The following ATG7 variants were observed in gnomAD, a reference collection of about 807,000 sequenced individuals.
ATG7 encodes the protein ubiquitin-like modifier-activating enzyme ATG7.
In ATG7, 70 loss-of-function variants were observed where a neutral mutation model predicts 82.4. The ratio of observed to expected loss-of-function variants is 0.85; its 90% CI spans 0.70 to 1.04. ATG7 has a LOEUF of 1.04. ATG7 is among the 50% of genes least tolerant of loss of function. The probability of loss-of-function intolerance (pLI) is 0.00; values close to 1 mark genes in which losing one functional copy is unlikely to be tolerated. For synonymous variants in ATG7, 287 were observed against 313.0 expected (o/e 0.92, Z 0.88); for missense variants, 792 against 864.3 (o/e 0.92, Z 1.05).
At chr3:11,571,422 G>A in the ATG7 span, among the ~76,000 whole-genome samples, 5 of 152,152 alleles carry the variant, frequency 3.3e-5, no homozygotes, top group South Asian at 6.2e-4. Context: ...AGTGACTCAC[G>A]CCTGTAATCC....
At chr3:11,410,820 C>T (rs1035753008) in intron 19 of ATG7, among the ~76,000 whole-genome samples, 2 of 152,210 alleles carry the variant, frequency 1.3e-5, no homozygotes, top group African/African-American at 4.8e-5. Context: ...TGGATGGACA[C>T]TTGGATTGCA....
intron 18 of ATG7, 79 bp downstream of exon 18, chr3:11,364,813 C>A: frequency 6.8e-7 from 1 of 1,473,186 alleles, no homozygotes; most frequent in Non-Finnish European, 9.4e-7. Flanking sequence ...ATTCCATCTG[C>A]CCAGCCCACT....
chr3:11,403,237 G>C (rs1334617649), intron 19 of ATG7, among the ~76,000 whole-genome samples: 1 of 152,152 alleles, frequency 6.6e-6, no homozygotes, highest in East Asian at 1.9e-4. Flanking sequence ...TCAATCTGAG[G>C]AAGTCTTGAC....
At chr3:11,526,544 G>A (rs1210128047) in intron 20 of ATG7, among the ~76,000 whole-genome samples, 2 of 152,136 alleles carry the variant, frequency 1.3e-5, no homozygotes, top group East Asian at 3.8e-4. Flanking sequence ...TTGTCAAAGT[G>A]GTTATTATTG....
intron 20 of ATG7, among the ~76,000 whole-genome samples, chr3:11,537,069 C>G (rs573287563): frequency 6.6e-6 from 1 of 152,302 alleles, no homozygotes; most frequent in Non-Finnish European, 1.5e-5. Context: ...CTCCATCCCT[C>G]TGCACAGGGC....
intron 11 of ATG7, among the ~76,000 whole-genome samples, chr3:11,337,270 T>C (rs1201702968): frequency 6.6e-6 from 1 of 152,122 alleles, no homozygotes; most frequent in African/African-American, 2.4e-5. Flanking sequence ...CTGGCCAACA[T>C]GGTGAAACCC....
chr3:11,568,966 G>C, the ATG7 span: 1 of 1,179,162 alleles, frequency 8.5e-7, no homozygotes, highest in Non-Finnish European at 1.1e-6. This position sits in a 1 kb window ranked among gnomAD's most constrained non-coding sequence, Gnocchi z 5.9. Context: ...GGAAAGAGGA[G>C]GGAGGGAAAG....
At chr3:11,522,753 A>G (rs2092474530) in intron 20 of ATG7, among the ~76,000 whole-genome samples, 1 of 152,196 alleles carries the variant, frequency 6.6e-6, no homozygotes, top group Admixed American at 6.5e-5. Context: ...AACCTTCAAA[A>G]TCGCCTGTCA....
chr3:11,432,221 G>A (rs1260338092), intron 20 of ATG7, among the ~76,000 whole-genome samples: 1 of 152,122 alleles, frequency 6.6e-6, no homozygotes, highest in Non-Finnish European at 1.5e-5. Context: ...TGGAGATGGA[G>A]CTTGGAGAAA....
intron 13 of ATG7, among the ~76,000 whole-genome samples, 172 bp downstream of exon 13, chr3:11,342,451 A>G (rs1216425883): frequency 6.6e-6 from 1 of 151,920 alleles, no homozygotes; most frequent in Non-Finnish European, 1.5e-5. Context: ...ACCTTTTATC[A>G]TCAGATAGAA....
At chr3:11,375,268 GA>G (rs2077329392) in intron 18 of ATG7, among the ~76,000 whole-genome samples, 23 of 152,134 alleles carry the variant, frequency 1.5e-4, no homozygotes, top group Admixed American at 1.5e-3. Context: ...TGATATATTT[GA>G]TAAGAAACCT....
chr3:11,275,277 A>T (rs996390180), intron 1 of ATG7, among the ~76,000 whole-genome samples: 2 of 151,848 alleles, frequency 1.3e-5, no homozygotes, highest in Admixed American at 6.6e-5. Context: ...TTTATTTGGA[A>T]TTCAGTTTGC....
At chr3:11,486,222 A>T (rs2089632672) in intron 20 of ATG7, among the ~76,000 whole-genome samples, 1 of 152,116 alleles carries the variant, frequency 6.6e-6, no homozygotes, top group African/African-American at 2.4e-5. Context: ...TTTCATGAGC[A>T]GTGGTTTGTA....
intron 3 of ATG7, among the ~76,000 whole-genome samples, chr3:11,282,702 G>A (rs1943270340): frequency 6.6e-6 from 1 of 152,186 alleles, no homozygotes; most frequent in South Asian, 2.1e-4. Context: ...TTTCTTCTAA[G>A]TTTAGAACTT....
chr3:11,308,793 G>A (rs1948173039), intron 6 of ATG7, 191 bp from the exon 7 acceptor site: 5 of 612,404 alleles, frequency 8.2e-6, no homozygotes, highest in South Asian at 3.9e-5. Flanking sequence ...GATGTTGAAG[G>A]GAGTGTGGCT....
chr3:11,513,773 G>A (rs1323299952), intron 20 of ATG7, among the ~76,000 whole-genome samples: 1 of 152,220 alleles, frequency 6.6e-6, no homozygotes, highest in Admixed American at 6.5e-5. Flanking sequence ...AGTGAGCGAG[G>A]GCTGCGAGGG....
chr3:11,516,461 A>C (rs1423155222), intron 20 of ATG7, among the ~76,000 whole-genome samples: 1 of 152,222 alleles, frequency 6.6e-6, no homozygotes, highest in Non-Finnish European at 1.5e-5. Flanking sequence ...TGGTAGTGAG[A>C]ATGTGGAGCA....
Position 11,420,676 on chromosome 3 carries a change from T to C in ATG7, c.1957-6128T>C, listed in dbSNP as rs558079194. On this transcript the variant is annotated intron_variant, in intron 19 of 20. Transcript: ENST00000693202. ...CTCAGTGCATATAAAAGTTACATTT[T>C]TACTATACTGTAGTCTATTAAGTGT... is the stretch of plus-strand genomic sequence containing the variant. Among the ~76,000 whole-genome samples the C allele has an allele frequency of 2.4e-4, 36 of 152,312 alleles. 1 individual carries two copies. Among genetic ancestry groups the C allele is most frequent in the African/African-American group, 8.4e-4 (35 of 41,562 alleles).
In ATG7 at chr3:11,340,676, C is replaced by T. The variant is rs1454479512; in HGVS notation, c.921C>T (p.Asn307=). 3 of 1,613,560 alleles carry T rather than the reference C, an allele frequency of 1.9e-6. No individual in the cohort carries two copies. The highest frequency in any genetic ancestry group is 2.5e-6 in the Non-Finnish European group (3 of 1,179,744). The change falls in exon 12 of 21, where the codon AAC becomes AAT. Residue 307 remains asparagine (N), a synonymous_variant. Transcript: ENST00000693202. ...CTAAAGCAGTTGGATGGGAAAAGAA[C>T]CAGAAAGGAGGCATGGGACCAAGGA... is the stretch of plus-strand genomic sequence containing the variant. ...DCPKAVGWEK[N]QKGGMGPRMV... is the part of the protein sequence containing the mutation.
Sources: allele counts gnomAD v4.1 joint callset (sites outside exome capture counted in the v4.1 genomes callset), GRCh38; gene constraint gnomAD v4.1.1; non-coding constraint Gnocchi (gnomAD v3.1); transcripts MANE v1.5; gene names NCBI Gene and HGNC (gene_info 2026-07-23, HGNC 2026-07-21).